Variants in SIN3B observed in about 807,000 individuals in gnomAD.
SIN3B encodes SIN3 transcription regulator family member B.
A neutral mutation model predicts 120.2 loss-of-function variants in SIN3B; 19 were observed. That is an observed-to-expected ratio of 0.16 (90% confidence interval 0.11 to 0.23). The LOEUF is 0.23. Among genes scored for constraint, SIN3B ranks in the 10% least tolerant of loss-of-function variants. The probability of loss-of-function intolerance (pLI) is 1.00; values close to 1 mark genes in which losing one functional copy is unlikely to be tolerated. For synonymous variants in SIN3B, 654 were observed against 653.2 expected, an observed-to-expected ratio of 1.00 and a Z score of -0.02; for missense variants, 1,073 against 1,573.0, an observed-to-expected ratio of 0.68 and a Z score of 5.38.
At chr19:16,849,425 C>T (rs750797170) in intron 5 of SIN3B, among the ~76,000 whole-genome samples, 3 of 152,026 alleles carry the variant, frequency 2.0e-5, no homozygotes, top group African/African-American at 2.4e-5. Context: ...TGGGTGTGGC[C>T]GGGTACCAAC....
In SIN3B at chr19:16,880,173, G is replaced by A. The variant is rs1015766306; in HGVS notation, c.*1446G>A. The A allele has an allele frequency of 9.2e-5, 14 of 152,240 alleles. 1 individual carries two copies. Among genetic ancestry groups the A allele is most frequent in the East Asian group, 1.9e-4 (1 of 5,206 alleles). 9.4% of individuals were successfully genotyped at this position (152,240 alleles called of 1,614,324 possible). A position where few individuals can be genotyped will look rare whatever the true frequency, so the allele number is the denominator to read the frequency against. On this transcript the variant is annotated 3_prime_UTR_variant, in exon 19 of 19. Coordinates refer to ENST00000248054, the MANE Select transcript of SIN3B (RefSeq NM_001297595.2). ...AGCCACCTGGGCCCCGGGTGCAGCC[G>A]GAGACCCCGCCGAGCCCCTCCTCCC...
At chr19:16,878,067 AC>A (rs2051633884) in intron 17 of SIN3B, 115 bp from the exon 18 acceptor site, 7 of 830,202 alleles carry the variant, frequency 8.4e-6, no homozygotes, top group Non-Finnish European at 1.3e-5. Context: ...CTTTCTGTGG[AC>A]CCCTGGGAGG....
chr19:16,855,783 C>T (rs62128035), intron 8 of SIN3B: 18,343 of 150,934 alleles, frequency 0.12, 1,412 homozygotes, highest in Middle Eastern at 0.27. Context: ...GGGTTAGGTG[C>T]GGTGGCTCAC....
intron 1 of SIN3B, 23 bp from the exon 2 acceptor site, chr19:16,829,768 C>T (rs773409184): frequency 4.4e-6 from 7 of 1,585,028 alleles, no homozygotes; most frequent in South Asian, 3.3e-5. Context: ...CAGGGCCCAC[C>T]GGGACCCTCC....
chr19:16,876,474 C>T lies in SIN3B; in HGVS notation c.2767-12C>T. ...GCCGGCAGTGGAGGCTGTCAGCGTT[C>T]CTGCTCCGCAGGTGATGTTCCTGCA... is the stretch of plus-strand genomic sequence containing the variant. On this transcript the variant is annotated splice_polypyrimidine_tract_variant and intron_variant, in intron 15 of 18. Coordinates refer to ENST00000248054, the MANE Select transcript of SIN3B (RefSeq NM_001297595.2). The surrounding 1 kb of genome is among the most constrained non-coding windows in gnomAD (Gnocchi z 7.1). 1 of 1,611,332 alleles carries T rather than the reference C, an allele frequency of 6.2e-7. No individual in the cohort carries two copies. Among genetic ancestry groups the T allele is most frequent in the Middle Eastern group, 1.7e-4 (1 of 6,058 alleles).
Position 16,829,800 on chromosome 19 carries a change from G to T in SIN3B, c.130G>T (p.Ala44Ser). ...HEKLPVHVED[A>S]LTYLDQVKIR... ...CTCCCCCTCTCTGCAGGTAGAAGAC[G>T]CCCTCACCTATCTGGACCAGGTGAA... The change falls in exon 2 of 19, where the codon GCC becomes TCC. Residue 44 changes from alanine to serine, a missense_variant. Physicochemically the swap from Ala to Ser is moderately conservative, Grantham distance 99 (BLOSUM62 1). Coordinates refer to ENST00000248054, the MANE Select transcript of SIN3B (RefSeq NM_001297595.2). 1 of 1,611,838 alleles carries T rather than the reference G, an allele frequency of 6.2e-7. No homozygotes were observed.
At position 16,880,145 on chromosome 19, in the gene SIN3B, C is replaced by T. The variant is rs1374687686; in HGVS notation, c.*1418C>T. ...GTACCAGGCCCACGGCCGTCTCGGG[C>T]AGAGCCACCTGGGCCCCGGGTGCAG... On this transcript the variant is annotated 3_prime_UTR_variant, in exon 19 of 19. Coordinates refer to ENST00000248054, the MANE Select transcript of SIN3B (RefSeq NM_001297595.2). The T allele has an allele frequency of 6.6e-6, 1 of 152,264 alleles. No individual in the cohort carries two copies. Among genetic ancestry groups the T allele is most frequent in the African/African-American group, 2.4e-5 (1 of 41,432 alleles). The allele number at this position is 152,264 out of a possible 1,614,324, so 9.4% of individuals were successfully genotyped here. A position where few individuals can be genotyped will look rare whatever the true frequency, so the allele number is the denominator to read the frequency against.
chr19:16,842,151 G>A (rs976873393), intron 4 of SIN3B, among the ~76,000 whole-genome samples, 183 bp downstream of exon 4: 1 of 149,658 alleles, frequency 6.7e-6, no homozygotes, highest in Non-Finnish European at 1.5e-5. Context: ...GCAGTGGCAC[G>A]GACTCGGCTC....
intron 2 of SIN3B, among the ~76,000 whole-genome samples, chr19:16,830,887 C>A (rs867420316): frequency 1.3e-5 from 2 of 152,312 alleles, no homozygotes; most frequent in Middle Eastern, 3.4e-3. Flanking sequence ...TTCTTGGAGT[C>A]CAGGCCTTGC....
chr19:16,869,717 C>G lies in SIN3B; in HGVS notation c.2064C>G (p.Pro688=). 1 of 1,613,404 alleles carries G rather than the reference C, an allele frequency of 6.2e-7. No individual in the cohort carries two copies. The highest frequency in any genetic ancestry group is 8.5e-7 in the Non-Finnish European group (1 of 1,179,996). ...EESADEDRDS[P]QGQTTDPSER... The stretch of plus-strand genomic sequence containing the variant: ...CAGCTGATGAGGACCGGGACAGCCC[C>G]CAGGGGCAGACCACAGACCCCAGTG... The change falls in exon 13 of 19, where the codon CCC becomes CCG. Residue 688 remains proline (P), a synonymous_variant. Transcript: ENST00000248054.
rs1001639170 is a variant in SIN3B at position 16,879,675 on chromosome 19, C to T, written c.*948C>T. 4 of 152,288 alleles carry T rather than the reference C, an allele frequency of 2.6e-5. No homozygotes were observed. The highest frequency in any genetic ancestry group is 5.9e-5 in the Non-Finnish European group (4 of 68,120). 9.4% of individuals were successfully genotyped at this position (152,288 alleles called of 1,614,324 possible). The stretch of plus-strand genomic sequence containing the variant: ...GTCCCAGCCGCCACCCAAGGAGCCC[C>T]ATCCGCCCACCCACCCTGGGACCCA... On this transcript the variant is annotated 3_prime_UTR_variant, in exon 19 of 19. Coordinates refer to ENST00000248054, the MANE Select transcript of SIN3B (RefSeq NM_001297595.2).
At chr19:16,838,351 C>T (rs1456387814) in intron 3 of SIN3B, among the ~76,000 whole-genome samples, 1 of 152,170 alleles carries the variant, frequency 6.6e-6, no homozygotes, top group African/African-American at 2.4e-5. Flanking sequence ...CTCCTCTCCC[C>T]AAGCCCCTGG....
chr19:16,878,790 G>A lies in SIN3B; in HGVS notation c.*63G>A, dbSNP rs1466885789. The A allele has an allele frequency of 2.2e-5, 31 of 1,406,620 alleles. No homozygotes were observed. The East Asian group carries it at 4.7e-4, about 21-fold the overall frequency. 87.1% of individuals were successfully genotyped at this position (1,406,620 alleles called of 1,614,324 possible). A position where few individuals can be genotyped will look rare whatever the true frequency, so the allele number is the denominator to read the frequency against. On this transcript the variant is annotated 3_prime_UTR_variant, in exon 19 of 19. Transcript: ENST00000248054. ...CACAGACGTGCCCTCGGCCTTGGTC[G>A]TGTCGGGGCCGTTTTCTTGAACGAC...
At chr19:16,864,447 G>C (rs1971732531) in intron 10 of SIN3B, among the ~76,000 whole-genome samples, 1 of 151,798 alleles carries the variant, frequency 6.6e-6, no homozygotes, top group Non-Finnish European at 1.5e-5. Flanking sequence ...TCCCACCTCA[G>C]CCTCCTGAGT....
intron 3 of SIN3B, among the ~76,000 whole-genome samples, chr19:16,834,664 C>T (rs1241786749): frequency 6.6e-6 from 1 of 152,188 alleles, no homozygotes; most frequent in Non-Finnish European, 1.5e-5. Context: ...CCTGGGAGCC[C>T]ACTGGCTTCC....
chr19:16,871,956 T>C (rs935072801), intron 14 of SIN3B, among the ~76,000 whole-genome samples: 1 of 151,206 alleles, frequency 6.6e-6, no homozygotes, highest in Non-Finnish European at 1.5e-5. Flanking sequence ...AACCCACTTA[T>C]CCTGAGGGAG....
intron 10 of SIN3B, 195 bp from the exon 11 acceptor site, chr19:16,865,215 G>C (rs1454140238): frequency 1.8e-6 from 1 of 568,386 alleles, no homozygotes. Context: ...GATTGTTTGA[G>C]CCCAGGAGGT....
intron 5 of SIN3B, among the ~76,000 whole-genome samples, chr19:16,848,400 G>C (rs773887): frequency 0.78 from 116,484 of 149,772 alleles, 45,240 homozygotes; most frequent in Middle Eastern, 0.85. Context: ...CTCTCCACAT[G>C]TTGGCCAACA....
Position 16,838,243 on chromosome 19 carries a change from A to G in SIN3B, c.382-3525A>G, listed in dbSNP as rs527366599. Among the ~76,000 whole-genome samples the G allele has an allele frequency of 1.3e-5, 2 of 150,620 alleles. 1 individual carries two copies. The highest frequency in any genetic ancestry group is 4.2e-4 in the South Asian group (2 of 4,774). Reference sequence around the variant, plus strand: ...GTTCACATAACATAAAATCATCATCATTTTAAAGTGTTAGTATATTCACAA... The same window carrying G: ...GTTCACATAACATAAAATCATCATCGTTTTAAAGTGTTAGTATATTCACAA... On this transcript the variant is annotated intron_variant, in intron 3 of 18. Coordinates refer to ENST00000248054, the MANE Select transcript of SIN3B (RefSeq NM_001297595.2).
Sources: allele counts gnomAD v4.1 joint callset (sites outside exome capture counted in the v4.1 genomes callset), GRCh38; gene constraint gnomAD v4.1.1; non-coding constraint Gnocchi (gnomAD v3.1); transcripts MANE v1.5; gene names NCBI Gene and HGNC (gene_info 2026-07-23, HGNC 2026-07-21).